SLCO1B1: variants seen among roughly 807,000 people sequenced by gnomAD.
SLCO1B1 encodes solute carrier organic anion transporter family member 1B1.
SLCO1B1 carries 81 observed loss-of-function variants against 70.1 expected under a neutral mutation model. The observed-to-expected ratio is 1.16, with a 90% CI of 0.97 to 1.39. SLCO1B1 has a LOEUF of 1.39. SLCO1B1 is among the 40% of genes most tolerant of loss of function. SLCO1B1 has a pLI of 0.00. For synonymous variants in SLCO1B1, 283 were observed against 271.5 expected, an observed-to-expected ratio of 1.04 and a Z score of -0.42; for missense variants, 895 against 799.6, an observed-to-expected ratio of 1.12 and a Z score of -1.44.
At chr12:21,139,626 A>G (rs114863987) in intron 1 of SLCO1B1, among the ~76,000 whole-genome samples, 1,697 of 152,252 alleles carry the variant, frequency 0.011, 33 homozygotes, top group African/African-American at 0.039. Context: ...CACAGATTCT[A>G]TATAAGAAAA....
chr12:21,158,467 G>A (rs900287090), intron 2 of SLCO1B1, among the ~76,000 whole-genome samples: 10 of 152,126 alleles, frequency 6.6e-5, no homozygotes, highest in Non-Finnish European at 1.2e-4. Flanking sequence ...AGGCCAAGGC[G>A]GGCAGATCAC....
intron 2 of SLCO1B1, among the ~76,000 whole-genome samples, chr12:21,144,164 C>T (rs1048180626): frequency 2.0e-5 from 3 of 151,858 alleles, no homozygotes; most frequent in Non-Finnish European, 2.9e-5. Context: ...AAATGCAATC[C>T]AAAGAAAACA....
chr12:21,194,176 C>T (rs913646974), intron 7 of SLCO1B1, among the ~76,000 whole-genome samples: 6 of 151,356 alleles, frequency 4.0e-5, no homozygotes, highest in African/African-American at 9.7e-5. Context: ...ACACCATGCC[C>T]GGCTTATTTT....
chr12:21,203,718 A>G (rs1048872304), intron 10 of SLCO1B1, among the ~76,000 whole-genome samples: 10 of 152,134 alleles, frequency 6.6e-5, no homozygotes, highest in Admixed American at 2.6e-4. Flanking sequence ...ATTAAAATAC[A>G]TTGTCCTAGA....
intron 2 of SLCO1B1, among the ~76,000 whole-genome samples, chr12:21,148,435 A>T (rs1269973925): frequency 4.6e-5 from 7 of 152,194 alleles, no homozygotes; most frequent in African/African-American, 1.7e-4. Context: ...ATGGCTAGCC[A>T]GTTTTCCCAA....
intron 14 of SLCO1B1, among the ~76,000 whole-genome samples, chr12:21,228,999 T>C (rs1435879357): frequency 1.3e-5 from 2 of 149,370 alleles, no homozygotes; most frequent in Non-Finnish European, 3.0e-5. Context: ...TAAAGTGGAA[T>C]TTAAAAAAAA....
At chr12:21,177,622 A>G (rs753172302) in intron 5 of SLCO1B1, among the ~76,000 whole-genome samples, 25 of 152,106 alleles carry the variant, frequency 1.6e-4, no homozygotes, top group Non-Finnish European at 3.4e-4. Flanking sequence ...TTCATTATCA[A>G]TATATGTTAA....
intron 14 of SLCO1B1, among the ~76,000 whole-genome samples, chr12:21,225,601 T>C (rs1422692330): frequency 6.6e-6 from 1 of 152,126 alleles, no homozygotes; most frequent in Non-Finnish European, 1.5e-5. Context: ...TTATAAAATC[T>C]GCATCATTAA....
chr12:21,230,353 A>G (rs1206479940), intron 14 of SLCO1B1, among the ~76,000 whole-genome samples: 1 of 102,432 alleles, frequency 9.8e-6, no homozygotes, highest in East Asian at 2.6e-4. Context: ...TTTTGGAGAC[A>G]TAGTTTTGCT....
At chr12:21,149,728 TGC>T (rs1565666443) in intron 2 of SLCO1B1, among the ~76,000 whole-genome samples, 4 of 152,020 alleles carry the variant, frequency 2.6e-5, no homozygotes, top group Non-Finnish European at 4.4e-5. Context: ...TTCCCTCGGG[TGC>T]CTACACCACC....
intron 14 of SLCO1B1, among the ~76,000 whole-genome samples, chr12:21,237,328 A>T (rs1198901172): frequency 6.6e-6 from 1 of 152,128 alleles, no homozygotes; most frequent in Admixed American, 6.5e-5. Context: ...GAATGTGTTT[A>T]TTTCTACTTT....
chr12:21,157,746 C>T (rs574520625), intron 2 of SLCO1B1, among the ~76,000 whole-genome samples: 4 of 151,924 alleles, frequency 2.6e-5, no homozygotes, highest in South Asian at 4.2e-4. Context: ...GGACTACAGG[C>T]GCCCACCACC....
chr12:21,160,519 C>T (rs1940605074), intron 2 of SLCO1B1, among the ~76,000 whole-genome samples: 1 of 151,426 alleles, frequency 6.6e-6, no homozygotes, highest in Admixed American at 6.6e-5. Flanking sequence ...CAACTCCAGG[C>T]AGACTAAAGA....
At chr12:21,187,485 A>G (rs932736991) in intron 7 of SLCO1B1, among the ~76,000 whole-genome samples, 4 of 152,036 alleles carry the variant, frequency 2.6e-5, no homozygotes, top group South Asian at 2.1e-4. Flanking sequence ...GTAGTGATCT[A>G]TTTCTTCCAC....
chr12:21,218,923 T>C (rs1941391624), intron 12 of SLCO1B1, among the ~76,000 whole-genome samples: 1 of 152,348 alleles, frequency 6.6e-6, no homozygotes, highest in East Asian at 1.9e-4. Flanking sequence ...GTTAATAGTT[T>C]TCTAATGCTT....
At chr12:21,154,380 G>C (rs981442839) in intron 2 of SLCO1B1, among the ~76,000 whole-genome samples, 1 of 152,104 alleles carries the variant, frequency 6.6e-6, no homozygotes, top group Non-Finnish European at 1.5e-5. Context: ...ACAGTGAGAA[G>C]ATGGTTCTCA....
chr12:21,154,688 T>C (rs1365744613), intron 2 of SLCO1B1, among the ~76,000 whole-genome samples: 1 of 152,036 alleles, frequency 6.6e-6, no homozygotes, highest in Non-Finnish European at 1.5e-5. Context: ...ATTGAGAAAA[T>C]TTATCAAGTA....
Position 21,210,424 on chromosome 12 carries a change from T to C in SLCO1B1, c.1497+4391T>C, listed in dbSNP as rs575498874. ...GTTCTGTTCCATTGATCTATATCTC[T>C]GTTTTGGTACCAGTACCATGCTGTT... On this transcript the variant is annotated intron_variant, in intron 11 of 14. Transcript: ENST00000256958. Among the ~76,000 whole-genome samples, 1,042 of 113,202 alleles carry C rather than the reference T, an allele frequency of 9.2e-3. 80 individuals carry two copies. The highest frequency in any genetic ancestry group is 0.035 in the African/African-American group (974 of 27,738). The allele number at this position is 113,202 out of a possible 152,430, so 74.3% of individuals were successfully genotyped here. A position where few individuals can be genotyped will look rare whatever the true frequency, so the allele number is the denominator to read the frequency against.
chr12:21,134,781 C>T (rs1029958675), intron 1 of SLCO1B1, among the ~76,000 whole-genome samples: 1 of 152,128 alleles, frequency 6.6e-6, no homozygotes, highest in Non-Finnish European at 1.5e-5. Flanking sequence ...TTTCAAAAAA[C>T]CAGCTCCTGG....
Sources: allele counts gnomAD v4.1 joint callset (sites outside exome capture counted in the v4.1 genomes callset), GRCh38; gene constraint gnomAD v4.1.1; transcripts MANE v1.5; gene names NCBI Gene and HGNC (gene_info 2026-07-23, HGNC 2026-07-21).